CACNA1D: variants seen among roughly 807,000 people sequenced by gnomAD.
CACNA1D encodes the protein calcium voltage-gated channel subunit alpha1 D.
A neutral mutation model predicts 257.1 loss-of-function variants in CACNA1D; 55 were observed. That is an observed-to-expected ratio of 0.21 (90% CI 0.17 to 0.27). The LOEUF is 0.27. Among genes scored for constraint, CACNA1D ranks in the 10% least tolerant of loss-of-function variants. The pLI is 1.00. For synonymous variants in CACNA1D, 980 were observed against 1,014.9 expected, an observed-to-expected ratio of 0.97 and a Z score of 0.65; for missense variants, 1,876 against 2,784.0, an observed-to-expected ratio of 0.67 and a Z score of 7.34.
At chr3:53,633,429 TGGGGAACAGAGACTCTGTCTTA>T (rs2093845204) in intron 3 of CACNA1D, among the ~76,000 whole-genome samples, 1 of 150,946 alleles carries the variant, frequency 6.6e-6, no homozygotes, top group Non-Finnish European at 1.5e-5. Context: ...CACTCCACCC[TGGGGAACAGAGACTCTGTCTTA>T]AAAAACAAAA....
At chr3:53,578,481 G>A (rs1233465648) in intron 3 of CACNA1D, among the ~76,000 whole-genome samples, 2 of 152,272 alleles carry the variant, frequency 1.3e-5, no homozygotes, top group African/African-American at 4.8e-5. Context: ...TCAAGTCATG[G>A]GTGCCCAGCC....
At chr3:53,650,724 CCT>C in intron 3 of CACNA1D, 53 bp from the exon 4 acceptor site, 1 of 1,587,984 alleles carries the variant, frequency 6.3e-7, no homozygotes, top group South Asian at 1.1e-5. Flanking sequence ...TTTTCTGTCT[CCT>C]CTTCCTCCCC....
Position 53,650,913 on chromosome 3 carries a change from A to C in CACNA1D, c.618A>C (p.Ile206=). 1 of 1,605,680 alleles carries C rather than the reference A, an allele frequency of 6.2e-7. No individual in the cohort carries two copies. The highest frequency in any genetic ancestry group is 8.5e-7 in the Non-Finnish European group (1 of 1,173,790). ...GWNLLDFVIV[I]VGLFSVILEQ... ...ATTTACTGGATTTTGTTATAGTAAT[A>C]GTAGGGTAAGTCTCTTTTACTTTGG... Residue 206 remains isoleucine, a synonymous_variant, in exon 4 of 48, where the codon ATA becomes ATC. Transcript: ENST00000350061.
At chr3:53,680,240 C>T (rs1449586462) in intron 8 of CACNA1D, among the ~76,000 whole-genome samples, 3 of 152,200 alleles carry the variant, frequency 2.0e-5, no homozygotes, top group South Asian at 2.1e-4. Flanking sequence ...ATCAAGCTGA[C>T]GTCTGTTTCC....
rs112858217 is a variant in CACNA1D at position 53,751,570 on chromosome 3, C to T, written c.3517-179C>T. On this transcript the variant is annotated intron_variant, in intron 27 of 47. Transcript: ENST00000350061. This position sits in a 1 kb window ranked among gnomAD's most constrained non-coding sequence, Gnocchi z 4.3. Reference sequence around the variant, plus strand: ...CAGCGAAGGTAATGGAGGCAGGGCCCTCGGTGACTCAAGAGTGGTGCCAGC... The same window carrying T: ...CAGCGAAGGTAATGGAGGCAGGGCCTTCGGTGACTCAAGAGTGGTGCCAGC... Among the ~76,000 whole-genome samples, 9 of 152,300 alleles carry T rather than the reference C, an allele frequency of 5.9e-5. No homozygotes were observed. The highest frequency in any genetic ancestry group is 2.2e-4 in the African/African-American group (9 of 41,556).
chr3:53,527,326 A>C (rs1372834315), intron 3 of CACNA1D, among the ~76,000 whole-genome samples: 2 of 152,176 alleles, frequency 1.3e-5, no homozygotes, highest in African/African-American at 4.8e-5. Flanking sequence ...TTGACTGGAG[A>C]ACTGTATTGG....
chr3:53,561,879 T>C (rs939312614), intron 3 of CACNA1D, among the ~76,000 whole-genome samples: 1 of 152,242 alleles, frequency 6.6e-6, no homozygotes, highest in Non-Finnish European at 1.5e-5. Flanking sequence ...GTTCATTCTA[T>C]AATTTTTTTA....
chr3:53,731,903 T>C (rs2094996849), intron 17 of CACNA1D, 113 bp from the exon 18 acceptor site: 5 of 765,696 alleles, frequency 6.5e-6, no homozygotes, highest in Admixed American at 3.6e-5. Flanking sequence ...CAAATACAGA[T>C]GCAGCTTTGG....
intron 3 of CACNA1D, among the ~76,000 whole-genome samples, chr3:53,586,258 C>T (rs1434804600): frequency 8.7e-5 from 13 of 148,692 alleles, no homozygotes; most frequent in Admixed American, 3.4e-4. Flanking sequence ...TTTCCACTGA[C>T]GTTTCCTTGC....
chr3:53,736,626 T>C (rs1290628246), intron 20 of CACNA1D, among the ~76,000 whole-genome samples: 1 of 151,914 alleles, frequency 6.6e-6, no homozygotes, highest in Non-Finnish European at 1.5e-5. Flanking sequence ...GCGTGGTGGC[T>C]TATACGTATA....
chr3:53,677,762 C>T (rs1045960635), intron 8 of CACNA1D, among the ~76,000 whole-genome samples: 10 of 152,310 alleles, frequency 6.6e-5, no homozygotes, highest in South Asian at 4.2e-4. Flanking sequence ...TTGAGGGGAA[C>T]GGCATTTCTA....
At chr3:53,740,567 G>T (rs939805387) in intron 21 of CACNA1D, 345 of 372,002 alleles carry the variant, frequency 9.3e-4, no homozygotes, top group South Asian at 2.9e-3. Context: ...TTTTTTATGG[G>T]TTTTTTTTTT....
At chr3:53,786,725 CACT>C in intron 39 of CACNA1D, 94 bp from the exon 40 acceptor site, 1 of 585,360 alleles carries the variant, frequency 1.7e-6, no homozygotes, top group Non-Finnish European at 3.1e-6. Flanking sequence ...CCACCCGCCC[CACT>C]CTGCCCCTGC....
chr3:53,596,533 T>G (rs939111231), intron 3 of CACNA1D, among the ~76,000 whole-genome samples: 1 of 152,134 alleles, frequency 6.6e-6, no homozygotes, highest in African/African-American at 2.4e-5. Context: ...TTCAGAATCT[T>G]GAGATGGAAA....
intron 3 of CACNA1D, 35 bp from the exon 4 acceptor site, chr3:53,650,744 G>T: frequency 6.2e-7 from 1 of 1,611,634 alleles, no homozygotes; most frequent in Non-Finnish European, 8.5e-7. Flanking sequence ...CCCTGCCCCT[G>T]CTTTTTTGGT....
intron 21 of CACNA1D, chr3:53,740,564 T>C (rs1261004855): frequency 2.1e-6 from 1 of 487,480 alleles, no homozygotes; most frequent in African/African-American, 2.0e-5. Flanking sequence ...TGATTTTTTA[T>C]GGGTTTTTTT....
chr3:53,636,834 A>G (rs2093889828), intron 3 of CACNA1D, among the ~76,000 whole-genome samples: 1 of 152,200 alleles, frequency 6.6e-6, no homozygotes, highest in Non-Finnish European at 1.5e-5. Flanking sequence ...TTGTCAACTG[A>G]TTCTTTTCTC....
chr3:53,764,879 ATAG>A (rs1392025143), intron 30 of CACNA1D, among the ~76,000 whole-genome samples: 2 of 152,196 alleles, frequency 1.3e-5, no homozygotes, highest in Admixed American at 6.5e-5. Context: ...AGACACTCCC[ATAG>A]TGTGCTTTCA....
At chr3:53,575,250 C>T (rs1036420199) in intron 3 of CACNA1D, among the ~76,000 whole-genome samples, 1 of 152,160 alleles carries the variant, frequency 6.6e-6, no homozygotes, top group African/African-American at 2.4e-5. Flanking sequence ...GAAAAGAGAA[C>T]CTTGCTCTGT....
Sources: allele counts gnomAD v4.1 joint callset (sites outside exome capture counted in the v4.1 genomes callset), GRCh38; gene constraint gnomAD v4.1.1; non-coding constraint Gnocchi (gnomAD v3.1); transcripts MANE v1.5; gene names NCBI Gene and HGNC (gene_info 2026-07-23, HGNC 2026-07-21).